MAPK3: variants seen among roughly 807,000 people sequenced by gnomAD.
MAPK3 encodes the protein MAPK 1.
MAPK3 carries 30 observed loss-of-function variants against 41.8 expected under a neutral mutation model. The observed-to-expected ratio is 0.72, with a 90% CI of 0.54 to 0.97. The LOEUF (loss-of-function observed/expected upper bound fraction) is 0.97. Among genes scored for constraint, MAPK3 ranks in the 50% least tolerant of loss-of-function variants. The probability of loss-of-function intolerance (pLI) is 0.00; values close to 1 mark genes in which losing one functional copy is unlikely to be tolerated. For synonymous variants in MAPK3, 222 were observed against 213.4 expected (o/e 1.04, Z -0.35); for missense variants, 413 against 509.9 (o/e 0.81, Z 1.83).
In MAPK3 at chr16:30,123,169, GGCT is replaced by G. The variant is rs1243364274; in HGVS notation, c.38_40del (p.Glu13_Pro14delinsAla). On this transcript the variant is annotated inframe_deletion, in exon 1 of 9. Coordinates refer to ENST00000263025, the MANE Select transcript of MAPK3 (RefSeq NM_002746.3). ...CGGGCCGACCCCCTCGGTTCTACGG[GGCT>G]CCCCGCCCCCGCCCCCCTGAGCCGC... 1 of 1,424,544 alleles carries G rather than the reference GGCT, an allele frequency of 7.0e-7. No homozygotes were observed. Among genetic ancestry groups the G allele is most frequent in the African/African-American group, 1.5e-5 (1 of 67,392 alleles). The allele number at this position is 1,424,544 out of a possible 1,614,324, so 88.2% of individuals were successfully genotyped here. A position where few individuals can be genotyped will look rare whatever the true frequency, so the allele number is the denominator to read the frequency against.
Position 30,118,427 on chromosome 16 carries a change from C to T in MAPK3, c.465G>A (p.Lys155=). Residue 155 remains lysine, a synonymous_variant, in exon 3 of 9, where the codon AAG becomes AAA. Coordinates refer to ENST00000263025, the MANE Select transcript of MAPK3 (RefSeq NM_002746.3). The part of the protein sequence containing the change: ...YFLYQILRGL[K]YIHSANVLHR... ...GGAGCACGTTGGCGGAGTGGATGTA[C>T]TTGAGGCCCCGCAGGATCTGGTAGA... The T allele has an allele frequency of 1.9e-6, 3 of 1,614,000 alleles. No homozygotes were observed. Among genetic ancestry groups the T allele is most frequent in the Non-Finnish European group, 8.5e-7 (1 of 1,179,984 alleles).
chr16:30,115,930 A>G (rs1255944427), intron 8 of MAPK3: 2 of 150,782 alleles, frequency 1.3e-5, no homozygotes, highest in East Asian at 2.0e-4. Context: ...TCATTTTTGT[A>G]TTCTTTACAG....
At chr16:30,116,561 T>C in intron 8 of MAPK3, 75 bp downstream of exon 8, 18 of 1,434,510 alleles carry the variant, frequency 1.3e-5, no homozygotes, top group Non-Finnish European at 1.7e-5. Flanking sequence ...CATGTACAGA[T>C]AGATATAGAT....
At chr16:30,119,216 G>A (rs1323271594) in intron 2 of MAPK3, among the ~76,000 whole-genome samples, 1 of 151,650 alleles carries the variant, frequency 6.6e-6, no homozygotes, top group Non-Finnish European at 1.5e-5. Context: ...ATGGATGTCT[G>A]AAATCTCCTC....
chr16:30,118,212 C>G (rs1415447685), intron 3 of MAPK3, 49 bp from the exon 4 acceptor site: 1 of 1,588,854 alleles, frequency 6.3e-7, no homozygotes, highest in Non-Finnish European at 8.6e-7. Flanking sequence ...CCTCTGCAGC[C>G]TAAGCAGTCA....
At chr16:30,120,412 T>C (rs975836378) in intron 2 of MAPK3, among the ~76,000 whole-genome samples, 1 of 110,834 alleles carries the variant, frequency 9.0e-6, no homozygotes, top group African/African-American at 3.4e-5. Context: ...TGAGAGTGGG[T>C]GGGTGGGGCA....
In MAPK3 at chr16:30,123,155, C is replaced by T; in HGVS notation, c.55G>A (p.Gly19Arg). The change falls in exon 1 of 9, where the codon GGG becomes AGG. Residue 19 changes from glycine (G) to arginine (R), a missense_variant. Physicochemically the swap from Gly to Arg is moderately radical, Grantham distance 125 (BLOSUM62 -2). Transcript: ENST00000263025. ...GGGGEPRRTEGVGPGVPGEVE... is the reference protein window; with the variant it reads ...GGGGEPRRTERVGPGVPGEVE... Reference sequence around the variant, plus strand: ...TCCCCCGGGACCCCCGGGCCGACCCCCTCGGTTCTACGGGGCTCCCCGCCC... The same window carrying T: ...TCCCCCGGGACCCCCGGGCCGACCCTCTCGGTTCTACGGGGCTCCCCGCCC... 2.0e-6 allele frequency: 3 copies of T among 1,515,292 alleles called. No homozygotes were observed. Among genetic ancestry groups the T allele is most frequent in the South Asian group, 1.2e-5 (1 of 80,784 alleles). 93.9% of individuals were successfully genotyped at this position (1,515,292 alleles called of 1,614,324 possible).
At position 30,117,300 on chromosome 16, in the gene MAPK3, G is replaced by A. The variant is rs758979634; in HGVS notation, c.776-15C>T. 5.6e-6 allele frequency: 9 copies of A among 1,613,480 alleles called. No individual in the cohort carries two copies. The highest frequency in any genetic ancestry group is 7.6e-6 in the Non-Finnish European group (9 of 1,179,738). On this transcript the variant is annotated splice_polypyrimidine_tract_variant and intron_variant, in intron 5 of 8. Coordinates refer to ENST00000263025, the MANE Select transcript of MAPK3 (RefSeq NM_002746.3). ...GCCCAGGATGCCTGTGGATAAGGAGGTGACTTGGTAAATGATCACCTCTTT... is the reference window on the plus strand; with the variant it reads ...GCCCAGGATGCCTGTGGATAAGGAGATGACTTGGTAAATGATCACCTCTTT...
At chr16:30,119,022 A>G (rs1429170812) in intron 2 of MAPK3, among the ~76,000 whole-genome samples, 1 of 152,114 alleles carries the variant, frequency 6.6e-6, no homozygotes, top group African/African-American at 2.4e-5. Context: ...TGTGCCTGTA[A>G]TCCCAGCTAC....
At position 30,123,092 on chromosome 16, in the gene MAPK3, G is replaced by A. The variant is rs555123973; in HGVS notation, c.118C>T (p.Pro40Ser). The A allele has an allele frequency of 9.5e-6, 15 of 1,574,998 alleles. No homozygotes were observed. The South Asian group carries it at 1.6e-4, about 17-fold the overall frequency. Residue 40 changes from proline (P) to serine (S), a missense_variant, in exon 1 of 9, where the codon CCG (proline) becomes TCG (serine). Pro to Ser is a moderately conservative substitution (Grantham distance 74). This residue lies in a region of MAPK3 where 145 missense variants were observed against 133.0 expected (regional missense o/e 1.09). Coordinates refer to ENST00000263025, the MANE Select transcript of MAPK3 (RefSeq NM_002746.3). ...MVKGQPFDVG[P>S]RYTQLQYIGE... ...ATGTACTGCAACTGCGTGTAGCGCGGGCCCACGTCGAACGGCTGCCCCTTC... is the reference window on the plus strand; with the variant it reads ...ATGTACTGCAACTGCGTGTAGCGCGAGCCCACGTCGAACGGCTGCCCCTTC...
In MAPK3 at chr16:30,117,252, T is replaced by G; in HGVS notation, c.809A>C (p.Asn270Thr). ...TCGGGCCTTCATGTTGATGATACAA[T>G]TCAGGTCCTCCTGGGATGGGGAGCC... ...ILGSPSQEDL[N>T]CIINMKARNY... is the part of the protein sequence containing the mutation. The change falls in exon 6 of 9, where the codon AAT (asparagine) becomes ACT (threonine). Residue 270 changes from asparagine (N) to threonine (T), a missense_variant. This residue lies in a region of MAPK3 where 123 missense variants were observed against 147.8 expected (regional missense o/e 0.83). Transcript: ENST00000263025. The G allele has an allele frequency of 6.2e-7, 1 of 1,614,106 alleles. No homozygotes were observed. The highest frequency in any genetic ancestry group is 8.5e-7 in the Non-Finnish European group (1 of 1,179,984).
At position 30,116,688 on chromosome 16, in the gene MAPK3, C is replaced by T. The variant is rs372149021; in HGVS notation, c.1120G>A (p.Gly374Arg). 6.3e-5 allele frequency: 101 copies of T among 1,613,536 alleles called. No homozygotes were observed. The highest frequency in any genetic ancestry group is 4.5e-4 in the African/African-American group (34 of 74,902). Residue 374 changes from glycine to arginine, a missense_variant, in exon 8 of 9, where the codon GGA (glycine) becomes AGA (arginine). Gly to Arg is a moderately radical substitution (Grantham distance 125). Transcript: ENST00000263025. Reference protein sequence around the residue: ...IFQETARFQPGVLEAP With the variant: ...IFQETARFQPRVLEAP ...CTGGGCTAGGGGGCCTCCAGCACTC[C>T]GGGCTGGAAGCGTGCTGTCTCCTGG...
At chr16:30,122,691 G>A in intron 1 of MAPK3, 1 of 217,996 alleles carries the variant, frequency 4.6e-6, no homozygotes. Flanking sequence ...GCCCTCCACT[G>A]CCTCTTCACT....
chr16:30,122,134 G>T, intron 1 of MAPK3, 128 bp from the exon 2 acceptor site: 2 of 858,974 alleles, frequency 2.3e-6, no homozygotes, highest in Non-Finnish European at 3.7e-6. Context: ...CATAAACAAT[G>T]CTGGTTCCTT....
chr16:30,116,836 C>A, intron 7 of MAPK3, 46 bp from the exon 8 acceptor site: 1 of 1,613,100 alleles, frequency 6.2e-7, no homozygotes, highest in Non-Finnish European at 8.5e-7. Context: ...ATGGGGGATG[C>A]CTACGTGCCC....
intron 2 of MAPK3, among the ~76,000 whole-genome samples, chr16:30,121,230 T>C (rs909659275): frequency 1.3e-5 from 2 of 152,090 alleles, no homozygotes; most frequent in East Asian, 3.9e-4. Flanking sequence ...TACCTCTGCC[T>C]CCCAAGTAGC....
intron 2 of MAPK3, among the ~76,000 whole-genome samples, chr16:30,121,172 G>C (rs545404134): frequency 6.6e-6 from 1 of 151,948 alleles, no homozygotes. Context: ...GCAGTGGCAC[G>C]ATCTTGGCTC....
In MAPK3 at chr16:30,116,688, C is replaced by G. The variant is rs372149021; in HGVS notation, c.1120G>C (p.Gly374Arg). ...IFQETARFQPGVLEAP is the reference protein window; with the variant it reads ...IFQETARFQPRVLEAP ...CTGGGCTAGGGGGCCTCCAGCACTCCGGGCTGGAAGCGTGCTGTCTCCTGG... is the reference window on the plus strand; with the variant it reads ...CTGGGCTAGGGGGCCTCCAGCACTCGGGGCTGGAAGCGTGCTGTCTCCTGG... Residue 374 changes from glycine to arginine, a missense_variant, in exon 8 of 9, where the codon GGA becomes CGA. This residue lies in a region of MAPK3 where 123 missense variants were observed against 147.8 expected (regional missense o/e 0.83). Coordinates refer to ENST00000263025, the MANE Select transcript of MAPK3 (RefSeq NM_002746.3). The G allele has an allele frequency of 1.2e-6, 2 of 1,613,654 alleles. No homozygotes were observed. Among genetic ancestry groups the G allele is most frequent in the South Asian group, 2.2e-5 (2 of 91,068 alleles).
rs770683889 is a variant in MAPK3 at position 30,116,641 on chromosome 16, C to T, written c.*27G>A. 5.6e-6 allele frequency: 9 copies of T among 1,611,410 alleles called. No homozygotes were observed. The Admixed American group carries it at 1.0e-4, about 18-fold the overall frequency. The stretch of plus-strand genomic sequence containing the variant: ...TGGGCCATGGAGACACTCACCAGGC[C>T]CCAGGGTGCAGAGATGTCTGTCTGG... On this transcript the variant is annotated 3_prime_UTR_variant, in exon 8 of 9. Transcript: ENST00000263025.
Sources: gnomAD v4.1 joint callset for allele counts (sites outside exome capture counted in the v4.1 genomes callset) on GRCh38, gnomAD v4.1.1 for gene constraint, gnomAD v4.1.1 regional missense constraint, MANE v1.5 for transcripts, NCBI Gene and HGNC (gene_info 2026-07-23, HGNC 2026-07-21) for gene names.